The following MAGI2 variants were observed in gnomAD, a reference collection of about 807,000 sequenced individuals.
MAGI2 encodes the protein membrane associated guanylate kinase, WW and PDZ domain containing 2.
In MAGI2, 35 loss-of-function variants were observed where a neutral mutation model predicts 133.3. That is an observed-to-expected ratio of 0.26 (90% CI 0.20 to 0.35). MAGI2 has a LOEUF of 0.35. Ranked by LOEUF, MAGI2 falls within the 10% of genes least tolerant of loss-of-function variation. MAGI2 has a pLI of 1.00. For synonymous variants in MAGI2, 729 were observed against 710.6 expected (o/e 1.03, Z -0.41); for missense variants, 1,636 against 1,863.4 (o/e 0.88, Z 2.25).
chr7:78,941,419 G>A (rs1042855559), intron 2 of MAGI2, among the ~76,000 whole-genome samples: 1 of 152,004 alleles, frequency 6.6e-6, no homozygotes, highest in African/African-American at 2.4e-5. Flanking sequence ...GTGCAATCTC[G>A]GCTCACTGCA....
At chr7:78,666,530 C>T (rs1214431925) in intron 2 of MAGI2, among the ~76,000 whole-genome samples, 1 of 152,070 alleles carries the variant, frequency 6.6e-6, no homozygotes, top group East Asian at 1.9e-4. Context: ...AAAATCTAGC[C>T]ATTATATTGG....
chr7:78,974,695 T>C (rs951667687), intron 2 of MAGI2, among the ~76,000 whole-genome samples: 2 of 151,814 alleles, frequency 1.3e-5, no homozygotes, highest in Admixed American at 1.3e-4. Context: ...CTATTTATAG[T>C]GTACAATATG....
chr7:79,355,775 C>G (rs773489245), intron 1 of MAGI2, among the ~76,000 whole-genome samples: 3 of 152,068 alleles, frequency 2.0e-5, no homozygotes, highest in Non-Finnish European at 4.4e-5. Flanking sequence ...ATCAAAACCC[C>G]CTTATTCTTT....
intron 2 of MAGI2, among the ~76,000 whole-genome samples, chr7:78,791,968 T>C (rs1787188152): frequency 6.6e-6 from 1 of 152,236 alleles, no homozygotes; most frequent in Non-Finnish European, 1.5e-5. Flanking sequence ...AAATGATCTT[T>C]ATTTTTAAAA....
At chr7:79,291,866 G>A (rs1354399368) in intron 1 of MAGI2, among the ~76,000 whole-genome samples, 2 of 151,908 alleles carry the variant, frequency 1.3e-5, no homozygotes, top group Non-Finnish European at 2.9e-5. Flanking sequence ...TCTGTGAACT[G>A]TCATTCATTT....
At chr7:78,228,087 A>G (rs1216110878) in intron 10 of MAGI2, among the ~76,000 whole-genome samples, 1 of 152,212 alleles carries the variant, frequency 6.6e-6, no homozygotes, top group African/African-American at 2.4e-5. Context: ...TTCCAATAAC[A>G]TTTTATGGAC....
At chr7:78,897,302 A>G (rs1273573615) in intron 2 of MAGI2, among the ~76,000 whole-genome samples, 1 of 152,208 alleles carries the variant, frequency 6.6e-6, no homozygotes, top group African/African-American at 2.4e-5. Context: ...GAAAGTCTGC[A>G]GGATCTTAGG....
At chr7:79,134,008 T>C (rs1562926819) in intron 1 of MAGI2, among the ~76,000 whole-genome samples, 1 of 152,200 alleles carries the variant, frequency 6.6e-6, no homozygotes, top group Non-Finnish European at 1.5e-5. Flanking sequence ...TACACATATC[T>C]TCATTGTTTT....
At chr7:78,480,469 G>T (rs1260438714) in intron 6 of MAGI2, among the ~76,000 whole-genome samples, 1 of 151,356 alleles carries the variant, frequency 6.6e-6, no homozygotes, top group Non-Finnish European at 1.5e-5. Context: ...CAGACACATA[G>T]ACACAAAAAT....
chr7:78,549,567 T>C (rs1799161355), intron 3 of MAGI2, among the ~76,000 whole-genome samples: 1 of 152,018 alleles, frequency 6.6e-6, no homozygotes, highest in South Asian at 2.1e-4. Context: ...CTCCATGGAG[T>C]GCTCTCTTCC....
chr7:78,225,917 G>T (rs1237519493), intron 10 of MAGI2, among the ~76,000 whole-genome samples: 1 of 152,130 alleles, frequency 6.6e-6, no homozygotes, highest in Non-Finnish European at 1.5e-5. Flanking sequence ...ATTGTACAAC[G>T]CCGAGGGTGC....
intron 20 of MAGI2, among the ~76,000 whole-genome samples, chr7:78,081,750 C>G (rs565450704): frequency 5.9e-5 from 9 of 152,200 alleles, no homozygotes; most frequent in Middle Eastern, 3.4e-3. Context: ...GTAACCTGAC[C>G]GGGGAAGCTG....
intron 1 of MAGI2, among the ~76,000 whole-genome samples, chr7:79,302,462 C>T (rs369224918): frequency 1.5e-3 from 234 of 152,136 alleles, no homozygotes; most frequent in African/African-American, 5.4e-3. Flanking sequence ...CTGAAGATTC[C>T]AGTAGGGGAT....
intron 3 of MAGI2, among the ~76,000 whole-genome samples, chr7:78,573,303 TATATATATAAA>T (rs1801868366): frequency 2.0e-5 from 1 of 48,896 alleles, no homozygotes; most frequent in Non-Finnish European, 3.4e-5. Flanking sequence ...TATATATATT[TATATATATAAA>T]TATATAAATA....
intron 9 of MAGI2, 128 bp downstream of exon 9, chr7:78,343,650 T>G: frequency 1.8e-6 from 1 of 566,770 alleles, no homozygotes; most frequent in Non-Finnish European, 2.8e-6. Flanking sequence ...ACATAATTTA[T>G]GCTTCATGCT....
chr7:78,753,915 A>G (rs1273839910), intron 2 of MAGI2, among the ~76,000 whole-genome samples: 1 of 152,168 alleles, frequency 6.6e-6, no homozygotes, highest in African/African-American at 2.4e-5. Flanking sequence ...AGAATTTTAT[A>G]CCTAGTAAAA....
intron 3 of MAGI2, among the ~76,000 whole-genome samples, chr7:78,587,036 A>T (rs938812861): frequency 1.3e-5 from 2 of 152,194 alleles, no homozygotes; most frequent in Non-Finnish European, 2.9e-5. Context: ...TGCTATGAAC[A>T]CGGGGGTTTT....
chr7:78,662,231 G>C (rs1563316072), intron 2 of MAGI2, among the ~76,000 whole-genome samples: 1 of 152,138 alleles, frequency 6.6e-6, no homozygotes, highest in Non-Finnish European at 1.5e-5. Context: ...ATAGACACAT[G>C]GTGACAGGGC....
intron 1 of MAGI2, among the ~76,000 whole-genome samples, chr7:79,075,911 A>G (rs1815421131): frequency 6.6e-6 from 1 of 152,208 alleles, no homozygotes; most frequent in African/African-American, 2.4e-5. Flanking sequence ...GAAAATACAA[A>G]TATCTGGGCA....
Sources: allele counts gnomAD v4.1 joint callset (sites outside exome capture counted in the v4.1 genomes callset), GRCh38; gene constraint gnomAD v4.1.1; transcripts MANE v1.5; gene names NCBI Gene and HGNC (gene_info 2026-07-23, HGNC 2026-07-21).